Variants in STAG1 observed in about 807,000 individuals in gnomAD.
STAG1 encodes STAG1 cohesin complex component.
A neutral mutation model predicts 170.9 loss-of-function variants in STAG1; 26 were observed. The ratio of observed to expected loss-of-function variants is 0.15; its 90% confidence interval spans 0.11 to 0.21. The LOEUF is 0.21. STAG1 is among the 10% of genes least tolerant of loss of function. The pLI, the probability that STAG1 is intolerant of heterozygous loss-of-function variation, is 1.00. For synonymous variants in STAG1, 514 were observed against 497.7 expected (o/e 1.03, Z -0.44); for missense variants, 964 against 1,509.5 (o/e 0.64, Z 5.99).
rs1034349072 is a variant in STAG1, at chr3:136,591,999, G to C, written c.297+12310C>G. Reference sequence around the variant, plus strand: ...AGCACTTCAAGAAAGGTTGGGACATGAGGCCAGAAAGAGAGGTAGTCCTGG... The same window carrying C: ...AGCACTTCAAGAAAGGTTGGGACATCAGGCCAGAAAGAGAGGTAGTCCTGG... On this transcript the variant is annotated intron_variant, in intron 4 of 33. Transcript: ENST00000383202. Among the ~76,000 whole-genome samples, 3 of 152,196 alleles carry C rather than the reference G, an allele frequency of 2.0e-5. No individual in the cohort carries two copies. The East Asian group carries it at 5.8e-4, about 29-fold the overall frequency.
chr3:136,383,487 A>T (rs1190198875), intron 22 of STAG1, among the ~76,000 whole-genome samples: 2 of 152,208 alleles, frequency 1.3e-5, no homozygotes, highest in Admixed American at 6.5e-5. Flanking sequence ...TATGAAAAAA[A>T]GTAAATATGC....
intron 1 of STAG1, among the ~76,000 whole-genome samples, chr3:136,634,000 G>T (rs1184345790): frequency 1.2e-5 from 1 of 84,854 alleles, no homozygotes; most frequent in Non-Finnish European, 2.9e-5. Context: ...AATTAGCCAG[G>T]CATGGTGGCA....
At chr3:136,402,688 G>A (rs888721701) in intron 21 of STAG1, among the ~76,000 whole-genome samples, 14 of 150,296 alleles carry the variant, frequency 9.3e-5, no homozygotes, top group Admixed American at 2.7e-4. Context: ...AAAAATTACC[G>A]GGTGTGGTGG....
chr3:136,749,282 A>T (rs865836407), intron 1 of STAG1, among the ~76,000 whole-genome samples: 1 of 152,216 alleles, frequency 6.6e-6, no homozygotes, highest in South Asian at 2.1e-4. Flanking sequence ...CACACAGGAA[A>T]TAGGGAGACT....
chr3:136,556,674 C>T (rs1936633565), intron 5 of STAG1, among the ~76,000 whole-genome samples: 1 of 151,958 alleles, frequency 6.6e-6, no homozygotes, highest in Non-Finnish European at 1.5e-5. Context: ...TCTTCACCTC[C>T]TGGGCTCAAG....
At chr3:136,424,983 G>A (rs2088073082) in intron 16 of STAG1, among the ~76,000 whole-genome samples, 1 of 152,090 alleles carries the variant, frequency 6.6e-6, no homozygotes, top group African/African-American at 2.4e-5. Context: ...GGGATTACAG[G>A]CACGCACCAC....
At chr3:136,385,292 C>G (rs1466026521) in intron 22 of STAG1, among the ~76,000 whole-genome samples, 1 of 151,926 alleles carries the variant, frequency 6.6e-6, no homozygotes, top group Admixed American at 6.6e-5. Flanking sequence ...TACAATATAT[C>G]AGCCAGGTGT....
intron 7 of STAG1, among the ~76,000 whole-genome samples, chr3:136,508,234 T>C (rs2107878439): frequency 6.6e-6 from 1 of 152,326 alleles, no homozygotes; most frequent in South Asian, 2.1e-4. Flanking sequence ...AGATATTCCT[T>C]GAAGGAATTT....
At chr3:136,435,719 G>A (rs1200984068) in intron 15 of STAG1, among the ~76,000 whole-genome samples, 4 of 151,904 alleles carry the variant, frequency 2.6e-5, no homozygotes, top group African/African-American at 9.7e-5. Flanking sequence ...ACCCAGGCTG[G>A]AGTGCAGTGA....
intron 1 of STAG1, among the ~76,000 whole-genome samples, chr3:136,651,376 TAA>T (rs57372663): frequency 9.0e-5 from 11 of 121,928 alleles, no homozygotes; most frequent in Admixed American, 1.7e-4. Context: ...ACCAAAAATT[TAA>T]AAAAAAAAAA....
intron 9 of STAG1, among the ~76,000 whole-genome samples, chr3:136,499,534 A>G (rs1481032663): frequency 6.6e-6 from 1 of 152,178 alleles, no homozygotes; most frequent in Non-Finnish European, 1.5e-5. Flanking sequence ...ATCTTTGTCT[A>G]TCTACTTACA....
At chr3:136,431,931 G>C (rs1394520140) in intron 16 of STAG1, among the ~76,000 whole-genome samples, 1 of 152,108 alleles carries the variant, frequency 6.6e-6, no homozygotes, top group Non-Finnish European at 1.5e-5. Flanking sequence ...TAAGCTTCTT[G>C]AATCTGCAAA....
rs34952291 is a variant in STAG1 at position 136,405,791 on chromosome 3, CAAAAAAAAAAAAAAAAA to C, written c.2197-6979_2197-6963del. The stretch of plus-strand genomic sequence containing the variant: ...GGGTGACAGAATGAGACTCTATCTC[CAAAAAAAAAAAAAAAAA>C]AAAAAAAAAAAAAGGAAAAATGTTA... On this transcript the variant is annotated intron_variant, in intron 21 of 33. Transcript: ENST00000383202. Among the ~76,000 whole-genome samples, 23 of 50,098 alleles carry C rather than the reference CAAAAAAAAAAAAAAAAA, an allele frequency of 4.6e-4. 1 individual carries two copies. Among genetic ancestry groups the C allele is most frequent in the Admixed American group, 2.9e-3 (8 of 2,718 alleles). The allele number at this position is 50,098 out of a possible 152,430, so 32.9% of individuals were successfully genotyped here.
chr3:136,748,064 C>T lies in STAG1; in HGVS notation c.-84+4131G>A, dbSNP rs1420180239. 2.7e-5 allele frequency among the ~76,000 whole-genome samples: 4 copies of T among 150,446 alleles called. No homozygotes were observed. In the East Asian group the frequency reaches 6.2e-4, roughly 23 times the overall value. ...TGCTGGGATTACAGGCGTGAGCCAC[C>T]GCGCCTGGCCAAGAATTATGTAATT... On this transcript the variant is annotated intron_variant, in intron 1 of 33. Transcript: ENST00000383202.
chr3:136,608,843 G>A (rs1576662480), intron 3 of STAG1, among the ~76,000 whole-genome samples: 1 of 148,176 alleles, frequency 6.7e-6, no homozygotes, highest in Non-Finnish European at 1.5e-5. Flanking sequence ...TGTTTTGCTC[G>A]TTGCTACTAG....
chr3:136,679,233 T>C (rs994478786), intron 1 of STAG1, among the ~76,000 whole-genome samples: 2 of 152,060 alleles, frequency 1.3e-5, no homozygotes, highest in Admixed American at 6.5e-5. Flanking sequence ...ACAAAAAATA[T>C]AGAAATCCTT....
At chr3:136,730,850 A>T (rs1369802826) in intron 1 of STAG1, among the ~76,000 whole-genome samples, 1 of 152,226 alleles carries the variant, frequency 6.6e-6, no homozygotes, top group Non-Finnish European at 1.5e-5. Flanking sequence ...CTTTCTGAAG[A>T]GGTGGGCTAT....
chr3:136,750,619 A>T (rs1347738386), intron 1 of STAG1, among the ~76,000 whole-genome samples: 3 of 152,258 alleles, frequency 2.0e-5, no homozygotes, highest in Non-Finnish European at 4.4e-5. Flanking sequence ...TTCGTTTGTG[A>T]AAATGACCAC....
At chr3:136,351,273 A>G (rs1391937827) in intron 28 of STAG1, among the ~76,000 whole-genome samples, 5 of 151,916 alleles carry the variant, frequency 3.3e-5, no homozygotes, top group Admixed American at 6.6e-5. Context: ...GGCATTTCAC[A>G]TATTTCTTCT....
Sources: allele counts gnomAD v4.1 joint callset (sites outside exome capture counted in the v4.1 genomes callset), GRCh38; gene constraint gnomAD v4.1.1; transcripts MANE v1.5; gene names NCBI Gene and HGNC (gene_info 2026-07-23, HGNC 2026-07-21).